The following TMEM178B variants were observed in gnomAD, a reference collection of about 807,000 sequenced individuals.
TMEM178B encodes the protein transmembrane protein 178B.
TMEM178B carries 5 observed loss-of-function variants against 31.0 expected under a neutral mutation model. The observed-to-expected ratio is 0.16, with a 90% CI of 0.08 to 0.34. The LOEUF (loss-of-function observed/expected upper bound fraction) is 0.34. Among genes scored for constraint, TMEM178B ranks in the 10% least tolerant of loss-of-function variants. The pLI is 1.00. For missense variants in TMEM178B, 275 were observed against 400.3 expected, an observed-to-expected ratio of 0.69 and a Z score of 2.67; for synonymous variants, 164 against 164.0, an observed-to-expected ratio of 1.00 and a Z score of 0.00.
At chr7:141,465,977 T>A (rs933389308) in intron 3 of TMEM178B, among the ~76,000 whole-genome samples, 1 of 152,184 alleles carries the variant, frequency 6.6e-6, no homozygotes, top group Non-Finnish European at 1.5e-5. Flanking sequence ...GAGCTATGAT[T>A]GTACCACTGC....
Position 141,461,559 on chromosome 7 carries a change from C to T in TMEM178B, c.635-8977C>T, listed in dbSNP as rs561784174. On this transcript the variant is annotated intron_variant, in intron 3 of 3. Coordinates refer to ENST00000565468, the MANE Select transcript of TMEM178B (RefSeq NM_001195278.2). This position sits in a 1 kb window ranked among gnomAD's most constrained non-coding sequence, Gnocchi z 4.0. ...GTGAGGGCCTCAGTTTCCTAGGAGA[C>T]GGCTTCTTGAATTAGTAAGAGCATT... 6.2e-4 allele frequency among the ~76,000 whole-genome samples: 95 copies of T among 152,326 alleles called. 1 individual carries two copies. The highest frequency in any genetic ancestry group is 5.2e-3 in the East Asian group (27 of 5,192).
the TMEM178B span, among the ~76,000 whole-genome samples, chr7:141,494,961 G>A: frequency 6.6e-6 from 1 of 152,150 alleles, no homozygotes; most frequent in South Asian, 2.1e-4. Flanking sequence ...TATTGAAGCC[G>A]GGTGGTGGGA....
chr7:141,145,557 G>A (rs1400030979), intron 1 of TMEM178B, among the ~76,000 whole-genome samples: 2 of 152,200 alleles, frequency 1.3e-5, no homozygotes, highest in African/African-American at 4.8e-5. Context: ...ATGGCTCAGT[G>A]TATTCACCCC....
At chr7:141,173,056 G>A (rs929501234) in intron 1 of TMEM178B, 3 of 152,214 alleles carry the variant, frequency 2.0e-5, no homozygotes, top group Non-Finnish European at 4.4e-5. Context: ...TAGAATTAAT[G>A]TGGTATTGAG....
intron 2 of TMEM178B, among the ~76,000 whole-genome samples, chr7:141,403,359 T>C (rs1800823363): frequency 6.6e-6 from 1 of 152,226 alleles, no homozygotes; most frequent in Non-Finnish European, 1.5e-5. Context: ...ACACTAAGGC[T>C]GGTTTATGAT....
At chr7:141,496,845 T>G in the TMEM178B span, among the ~76,000 whole-genome samples, 1 of 152,190 alleles carries the variant, frequency 6.6e-6, no homozygotes. Context: ...TCTCTGTGTT[T>G]GACCTATATA....
At chr7:141,391,608 C>T (rs1003594388) in intron 2 of TMEM178B, among the ~76,000 whole-genome samples, 1 of 152,080 alleles carries the variant, frequency 6.6e-6, no homozygotes, top group African/African-American at 2.4e-5. Flanking sequence ...CATTGCTGTG[C>T]GACCATCACC....
intron 2 of TMEM178B, among the ~76,000 whole-genome samples, chr7:141,400,219 T>A (rs1800734972): frequency 6.6e-6 from 1 of 152,194 alleles, no homozygotes; most frequent in African/African-American, 2.4e-5. Context: ...CTCATATTTT[T>A]TATCTTTCCT....
At chr7:141,359,675 T>A (rs1464376514) in intron 2 of TMEM178B, among the ~76,000 whole-genome samples, 1 of 152,214 alleles carries the variant, frequency 6.6e-6, no homozygotes, top group Non-Finnish European at 1.5e-5. Flanking sequence ...AATTGGGGGC[T>A]GTTTTTATGA....
chr7:141,101,062 A>C (rs999922379), intron 1 of TMEM178B, among the ~76,000 whole-genome samples: 3 of 152,226 alleles, frequency 2.0e-5, no homozygotes, highest in Admixed American at 1.3e-4. Context: ...AAAGGAGATA[A>C]TGTAAATTTC....
chr7:141,124,711 A>G (rs947455742), intron 1 of TMEM178B, among the ~76,000 whole-genome samples: 42 of 152,230 alleles, frequency 2.8e-4, no homozygotes, highest in African/African-American at 9.9e-4. Context: ...TGCCTAACAT[A>G]TGGTATTCTA....
intron 3 of TMEM178B, among the ~76,000 whole-genome samples, chr7:141,450,789 C>T (rs1451639773): frequency 6.6e-6 from 1 of 152,116 alleles, no homozygotes; most frequent in Non-Finnish European, 1.5e-5. Flanking sequence ...TCTCAGCAGC[C>T]CTTTAAGGTC....
chr7:141,408,563 T>C (rs1800926728), intron 2 of TMEM178B, among the ~76,000 whole-genome samples: 1 of 152,178 alleles, frequency 6.6e-6, no homozygotes, highest in Non-Finnish European at 1.5e-5. Context: ...ACATGGTGAC[T>C]GAATCAGAAA....
intron 2 of TMEM178B, among the ~76,000 whole-genome samples, chr7:141,258,576 TA>T (rs1433862657): frequency 2.1e-3 from 323 of 152,360 alleles, no homozygotes; most frequent in African/African-American, 7.3e-3. Context: ...GGATTCACGT[TA>T]CAGCCCAATG....
At chr7:141,335,527 G>A (rs1200598717) in intron 2 of TMEM178B, among the ~76,000 whole-genome samples, 6 of 152,136 alleles carry the variant, frequency 3.9e-5, no homozygotes, top group Admixed American at 3.9e-4. Flanking sequence ...AGGAGCCCAA[G>A]GCAACAGCTG....
chr7:141,172,847 C>A (rs1311606514), intron 1 of TMEM178B, among the ~76,000 whole-genome samples: 1 of 152,170 alleles, frequency 6.6e-6, no homozygotes, highest in Admixed American at 6.5e-5. Context: ...CTTGTTAAAT[C>A]CTGATTAAAT....
chr7:141,406,405 A>G (rs540088651), intron 2 of TMEM178B, among the ~76,000 whole-genome samples: 2 of 152,286 alleles, frequency 1.3e-5, no homozygotes, highest in South Asian at 2.1e-4. Flanking sequence ...CCAGATTATG[A>G]TAGAGTTGGA....
At chr7:141,177,710 T>G (rs1172879802) in intron 1 of TMEM178B, among the ~76,000 whole-genome samples, 2 of 152,216 alleles carry the variant, frequency 1.3e-5, no homozygotes, top group African/African-American at 2.4e-5. Context: ...GCCCTTTGTC[T>G]CTTTTGATCT....
At chr7:141,221,263 A>T (rs2129189528) in intron 2 of TMEM178B, among the ~76,000 whole-genome samples, 1 of 152,324 alleles carries the variant, frequency 6.6e-6, no homozygotes, top group South Asian at 2.1e-4. Context: ...GCAGGTGATT[A>T]TTCTTTTCAA....
Sources: gnomAD v4.1 joint callset for allele counts (sites outside exome capture counted in the v4.1 genomes callset) on GRCh38, gnomAD v4.1.1 for gene constraint, Gnocchi (gnomAD v3.1) non-coding constraint, MANE v1.5 for transcripts, NCBI Gene and HGNC (gene_info 2026-07-23, HGNC 2026-07-21) for gene names.